CERS6: variants seen among roughly 807,000 people sequenced by gnomAD.
CERS6 encodes the protein LAG1 homolog, ceramide synthase 6.
Under a neutral mutation model 56.8 loss-of-function variants are expected in CERS6, and 26 were observed. The ratio of observed to expected loss-of-function variants is 0.46; its 90% CI spans 0.34 to 0.63. The LOEUF (loss-of-function observed/expected upper bound fraction) is 0.63, where lower values mean the gene tolerates loss of function less well. Ranked by LOEUF, CERS6 falls within the 30% of genes least tolerant of loss-of-function variation. CERS6 has a pLI of 0.01. For synonymous variants in CERS6, 164 were observed against 173.3 expected (o/e 0.95, Z 0.42); for missense variants, 415 against 467.5 (o/e 0.89, Z 1.04).
intron 1 of CERS6, among the ~76,000 whole-genome samples, chr2:168,514,183 T>A (rs1694845989): frequency 6.6e-6 from 1 of 152,188 alleles, no homozygotes; most frequent in African/African-American, 2.4e-5. Flanking sequence ...ATAGTCAGAG[T>A]CTGTCAGGCC....
intron 3 of CERS6, among the ~76,000 whole-genome samples, chr2:168,577,462 TAG>T (rs1683301535): frequency 6.6e-6 from 1 of 152,026 alleles, no homozygotes; most frequent in Non-Finnish European, 1.5e-5. Flanking sequence ...GAATAGTCAT[TAG>T]AGGAGGAATT....
rs576929002 is a variant in CERS6 at position 168,510,825 on chromosome 2, C to G, written c.171-36771C>G. Among the ~76,000 whole-genome samples, 222 of 151,602 alleles carry G rather than the reference C, an allele frequency of 1.5e-3. 1 individual carries two copies. Among genetic ancestry groups the G allele is most frequent in the Non-Finnish European group, 2.7e-3 (182 of 67,906 alleles). On this transcript the variant is annotated intron_variant, in intron 1 of 9. Coordinates refer to ENST00000305747, the MANE Select transcript of CERS6 (RefSeq NM_203463.3). ...TTTCTAACTGTTTTACGTGCATTAA[C>G]TAACTTACAATAAAATAAAGATAAA...
At chr2:168,752,570 G>C (rs1684304995) in intron 8 of CERS6, among the ~76,000 whole-genome samples, 1 of 152,170 alleles carries the variant, frequency 6.6e-6, no homozygotes, top group Non-Finnish European at 1.5e-5. Context: ...TGGTTGCCTG[G>C]TTCCCTGTGG....
chr2:168,482,132 A>C (rs1694187641), intron 1 of CERS6, among the ~76,000 whole-genome samples: 1 of 152,238 alleles, frequency 6.6e-6, no homozygotes, highest in Non-Finnish European at 1.5e-5. Context: ...AAAAAATTAA[A>C]TGAGGTTTTA....
chr2:168,633,753 T>C (rs139730085), intron 4 of CERS6, among the ~76,000 whole-genome samples: 72 of 152,278 alleles, frequency 4.7e-4, no homozygotes, highest in African/African-American at 1.7e-3. Flanking sequence ...TCAGAAATAA[T>C]CAAAACAAGG....
intron 2 of CERS6, among the ~76,000 whole-genome samples, chr2:168,554,273 T>C (rs1301918570): frequency 6.6e-6 from 1 of 152,194 alleles, no homozygotes; most frequent in East Asian, 1.9e-4. Context: ...ACTTAATTCA[T>C]CTAATAAAAA....
At chr2:168,470,591 G>C (rs976541442) in intron 1 of CERS6, among the ~76,000 whole-genome samples, 30 of 152,290 alleles carry the variant, frequency 2.0e-4, no homozygotes, top group Non-Finnish European at 3.5e-4. Flanking sequence ...CTGTGTTACT[G>C]AGACCATAAA....
intron 4 of CERS6, among the ~76,000 whole-genome samples, chr2:168,650,889 A>G (rs1685326357): frequency 6.6e-6 from 1 of 152,110 alleles, no homozygotes; most frequent in African/African-American, 2.4e-5. Flanking sequence ...TTTTATCAGC[A>G]TTACTCTTCT....
At chr2:168,656,844 G>C (rs951828699) in intron 4 of CERS6, among the ~76,000 whole-genome samples, 1 of 152,154 alleles carries the variant, frequency 6.6e-6, no homozygotes, top group Non-Finnish European at 1.5e-5. Flanking sequence ...TGTTTTGTCA[G>C]GGCGCTGATT....
chr2:168,705,967 G>C (rs537275060), intron 6 of CERS6, among the ~76,000 whole-genome samples: 2 of 152,284 alleles, frequency 1.3e-5, no homozygotes, highest in South Asian at 4.1e-4. Context: ...AAACTAGTGT[G>C]ATTGAGCCAA....
chr2:168,484,400 C>G (rs1368097422), intron 1 of CERS6, among the ~76,000 whole-genome samples: 10 of 151,600 alleles, frequency 6.6e-5, no homozygotes, highest in Non-Finnish European at 1.5e-5. Context: ...AGGCTGGTCT[C>G]GAACTCCCGA....
At chr2:168,613,089 G>A (rs2105275458) in intron 3 of CERS6, among the ~76,000 whole-genome samples, 1 of 152,298 alleles carries the variant, frequency 6.6e-6, no homozygotes, top group South Asian at 2.1e-4. Context: ...TTGATGCCTG[G>A]GATAAAGGGG....
intron 4 of CERS6, among the ~76,000 whole-genome samples, chr2:168,669,025 A>G (rs1685841128): frequency 6.6e-6 from 1 of 152,172 alleles, no homozygotes; most frequent in Non-Finnish European, 1.5e-5. Flanking sequence ...TCTCTAGTAC[A>G]TTAGTTAGGA....
intron 6 of CERS6, 71 bp downstream of exon 6, chr2:168,695,122 C>A: frequency 8.6e-7 from 1 of 1,162,246 alleles, no homozygotes; most frequent in Non-Finnish European, 1.3e-6. Flanking sequence ...TGGGTTTAGA[C>A]TCTCAAAGGC....
intron 3 of CERS6, among the ~76,000 whole-genome samples, chr2:168,609,953 G>A (rs368563380): frequency 6.7e-6 from 1 of 149,342 alleles, no homozygotes; most frequent in African/African-American, 2.5e-5. Flanking sequence ...CAAGCTGGGA[G>A]TGAAGACAAA....
chr2:168,582,441 A>G (rs1336021051), intron 3 of CERS6, among the ~76,000 whole-genome samples: 1 of 152,044 alleles, frequency 6.6e-6, no homozygotes, highest in African/African-American at 2.4e-5. Context: ...GCTTTTAAGG[A>G]TATTTTTTAA....
At chr2:168,714,370 C>T (rs891675730) in intron 6 of CERS6, among the ~76,000 whole-genome samples, 2 of 152,176 alleles carry the variant, frequency 1.3e-5, no homozygotes, top group African/African-American at 4.8e-5. Flanking sequence ...GGGAGCCATA[C>T]GATGCCCTTT....
At chr2:168,548,938 T>C (rs1475895910) in intron 2 of CERS6, among the ~76,000 whole-genome samples, 3 of 152,194 alleles carry the variant, frequency 2.0e-5, no homozygotes, top group African/African-American at 4.8e-5. Flanking sequence ...GGTTCCTGTC[T>C]GAAGGGACAC....
chr2:168,571,259 T>C (rs1813595), intron 3 of CERS6, among the ~76,000 whole-genome samples: 128,449 of 151,676 alleles, frequency 0.85, 55,036 homozygotes, highest in South Asian at 0.97. Context: ...TGCTTGGAGC[T>C]GGAGTGTTTG....
Sources: allele counts gnomAD v4.1 joint callset (sites outside exome capture counted in the v4.1 genomes callset), GRCh38; gene constraint gnomAD v4.1.1; transcripts MANE v1.5; gene names NCBI Gene and HGNC (gene_info 2026-07-23, HGNC 2026-07-21).